The following CNTN1 variants were observed in gnomAD, a reference collection of about 807,000 sequenced individuals.
CNTN1 encodes contactin-1.
In CNTN1, 38 loss-of-function variants were observed where a neutral mutation model predicts 126.4. The observed-to-expected ratio is 0.30, with a 90% confidence interval of 0.23 to 0.39. CNTN1 has a LOEUF of 0.39. Among genes scored for constraint, CNTN1 ranks in the 10% least tolerant of loss-of-function variants. The pLI is 1.00. For missense variants in CNTN1, 1,009 were observed against 1,248.4 expected, an observed-to-expected ratio of 0.81 and a Z score of 2.89; for synonymous variants, 413 against 422.6, an observed-to-expected ratio of 0.98 and a Z score of 0.28.
intron 1 of CNTN1, among the ~76,000 whole-genome samples, chr12:40,731,745 A>G (rs1942505258): frequency 6.6e-6 from 1 of 151,966 alleles, no homozygotes; most frequent in Non-Finnish European, 1.5e-5. Context: ...GAACTGTATC[A>G]AATTGCCACT....
intron 14 of CNTN1, among the ~76,000 whole-genome samples, chr12:40,947,637 C>T (rs1244730811): frequency 6.6e-6 from 1 of 151,694 alleles, no homozygotes; most frequent in Non-Finnish European, 1.5e-5. Context: ...CAGTAGCCCT[C>T]AATTTTTGAC....
At chr12:41,050,672 T>A (rs1050779482) in intron 23 of CNTN1, among the ~76,000 whole-genome samples, 2 of 152,184 alleles carry the variant, frequency 1.3e-5, no homozygotes, top group Non-Finnish European at 2.9e-5. Flanking sequence ...TCTTTTTGCA[T>A]AAATGAGAAT....
intron 10 of CNTN1, 119 bp downstream of exon 10, chr12:40,937,024 A>G: frequency 7.7e-7 from 1 of 1,300,470 alleles, no homozygotes; most frequent in Non-Finnish European, 1.1e-6. Flanking sequence ...GCCCTGAAAT[A>G]TAAAAGCTTC....
In CNTN1 at chr12:40,911,310, G is replaced by A. The variant is rs186264058; in HGVS notation, c.94+1205G>A. Among the ~76,000 whole-genome samples, 51 of 152,156 alleles carry A rather than the reference G, an allele frequency of 3.4e-4. 1 individual carries two copies. The highest frequency in any genetic ancestry group is 1.2e-3 in the African/African-American group (48 of 41,514). On this transcript the variant is annotated intron_variant, in intron 3 of 23. Coordinates refer to ENST00000551295, the MANE Select transcript of CNTN1 (RefSeq NM_001843.4). ...TTAGCCAGGATGGTCTCAATCTCCTGACCTCGTGATCCGCCCGCCTTAGCC... is the reference window on the plus strand; with the variant it reads ...TTAGCCAGGATGGTCTCAATCTCCTAACCTCGTGATCCGCCCGCCTTAGCC...
rs1391770786 is a variant in CNTN1 at position 40,780,549 on chromosome 12, T to C, written c.-77+87957T>C. ...TGAAAGTCTTTCTTATATTTGCATG[T>C]CTGATATTTTCATAGAGAGTGCCAT... On this transcript the variant is annotated intron_variant, in intron 1 of 23. Coordinates refer to ENST00000551295, the MANE Select transcript of CNTN1 (RefSeq NM_001843.4). Among the ~76,000 whole-genome samples the C allele has an allele frequency of 4.0e-5, 6 of 151,770 alleles. No homozygotes were observed. The Admixed American group carries it at 4.0e-4, about 10-fold the overall frequency.
chr12:41,044,592 T>G (rs1336766434), intron 23 of CNTN1, among the ~76,000 whole-genome samples: 5 of 152,068 alleles, frequency 3.3e-5, no homozygotes, highest in Non-Finnish European at 7.4e-5. Context: ...ATAACTGCAT[T>G]TGGTGATGTG....
chr12:40,819,561 A>G (rs558557241), intron 1 of CNTN1, among the ~76,000 whole-genome samples: 2 of 152,172 alleles, frequency 1.3e-5, no homozygotes, highest in Non-Finnish European at 2.9e-5. Flanking sequence ...GCCTGGAGCT[A>G]TGGAAATAGG....
chr12:41,050,738 A>G (rs1949656593), intron 23 of CNTN1, among the ~76,000 whole-genome samples: 2 of 152,316 alleles, frequency 1.3e-5, no homozygotes, highest in South Asian at 2.1e-4. Flanking sequence ...CTGTTTTTAT[A>G]TATCTTAAAC....
At chr12:40,895,423 G>C (rs1436596367) in intron 1 of CNTN1, among the ~76,000 whole-genome samples, 1 of 152,150 alleles carries the variant, frequency 6.6e-6, no homozygotes, top group Non-Finnish European at 1.5e-5. Context: ...CCAAGGTTGA[G>C]GGGCCATATC....
At chr12:40,749,702 T>C (rs939533718) in intron 1 of CNTN1, among the ~76,000 whole-genome samples, 8 of 142,000 alleles carry the variant, frequency 5.6e-5, no homozygotes, top group Admixed American at 5.0e-4. Context: ...GCCATTTTCA[T>C]GGATAATAGA....
At chr12:41,021,660 T>C (rs1293982941) in intron 20 of CNTN1, among the ~76,000 whole-genome samples, 5 of 131,902 alleles carry the variant, frequency 3.8e-5, no homozygotes, top group African/African-American at 1.4e-4. Context: ...TTTGACACAA[T>C]AGGTTATAAT....
intron 1 of CNTN1, among the ~76,000 whole-genome samples, chr12:40,795,055 C>T (rs930834390): frequency 1.3e-5 from 2 of 152,000 alleles, no homozygotes; most frequent in Non-Finnish European, 2.9e-5. Context: ...GATTTCCCTC[C>T]ACAATGTGGG....
chr12:40,883,412 G>A (rs1345668264), intron 1 of CNTN1, among the ~76,000 whole-genome samples: 2 of 151,504 alleles, frequency 1.3e-5, no homozygotes, highest in South Asian at 2.1e-4. Flanking sequence ...TAAAGCATAA[G>A]CGTCATAATA....
rs370127931 is a variant in CNTN1 at position 41,026,758 on chromosome 12, G to C, written c.2711-1099G>C. On this transcript the variant is annotated intron_variant, in intron 21 of 23. Coordinates refer to ENST00000551295, the MANE Select transcript of CNTN1 (RefSeq NM_001843.4). ...AGCCATTGAAAGATTTTAAAACAGA[G>C]AGTGATATCTAATTTATGATGTTGT... Among the ~76,000 whole-genome samples, 10 of 152,118 alleles carry C rather than the reference G, an allele frequency of 6.6e-5. No individual in the cohort carries two copies. In the East Asian group the frequency reaches 1.2e-3, roughly 18 times the overall value.
At chr12:41,005,902 A>T (rs7976489) in intron 17 of CNTN1, among the ~76,000 whole-genome samples, 444 of 152,238 alleles carry the variant, frequency 2.9e-3, no homozygotes, top group African/African-American at 0.01. Context: ...CCTGTGGATA[A>T]TCTGAATTCT....
intron 14 of CNTN1, among the ~76,000 whole-genome samples, chr12:40,954,968 A>T (rs1157897449): frequency 6.6e-6 from 1 of 152,078 alleles, no homozygotes; most frequent in East Asian, 1.9e-4. Context: ...CATTGCTCAC[A>T]TGGTTAATCT....
At chr12:41,040,946 A>G (rs1479595792) in intron 23 of CNTN1, among the ~76,000 whole-genome samples, 2 of 143,530 alleles carry the variant, frequency 1.4e-5, no homozygotes, top group East Asian at 3.9e-4. Context: ...AACTTCCAAC[A>G]CTATGTTGAA....
chr12:41,045,400 T>C (rs1421355245), intron 23 of CNTN1, among the ~76,000 whole-genome samples: 1 of 152,132 alleles, frequency 6.6e-6, no homozygotes, highest in Non-Finnish European at 1.5e-5. Flanking sequence ...GGGTTTTAAA[T>C]TTTCTCTCCT....
At chr12:40,902,735 T>C (rs955425902) in intron 1 of CNTN1, among the ~76,000 whole-genome samples, 2 of 152,236 alleles carry the variant, frequency 1.3e-5, no homozygotes, top group Non-Finnish European at 2.9e-5. Flanking sequence ...TTTCATTACA[T>C]AGCAGTACTA....
Sources: gnomAD v4.1 joint callset for allele counts (sites outside exome capture counted in the v4.1 genomes callset) on GRCh38, gnomAD v4.1.1 for gene constraint, MANE v1.5 for transcripts, NCBI Gene and HGNC (gene_info 2026-07-23, HGNC 2026-07-21) for gene names.